The following AGTPBP1 variants were observed in gnomAD, a reference collection of about 807,000 sequenced individuals.
AGTPBP1 encodes cytosolic carboxypeptidase 1.
In AGTPBP1, 70 loss-of-function variants were observed where a neutral mutation model predicts 143.9. That is an observed-to-expected ratio of 0.49 (90% CI 0.40 to 0.59). AGTPBP1 has a LOEUF of 0.59. Among genes scored for constraint, AGTPBP1 ranks in the 20% least tolerant of loss-of-function variants. The pLI is 0.00. For synonymous variants in AGTPBP1, 463 were observed against 500.2 expected, an observed-to-expected ratio of 0.93 and a Z score of 0.99; for missense variants, 1,229 against 1,464.5, an observed-to-expected ratio of 0.84 and a Z score of 2.62.
chr9:85,646,296 A>G, intron 12 of AGTPBP1, 25 bp downstream of exon 12: 11 of 1,549,812 alleles, frequency 7.1e-6, no homozygotes, highest in Non-Finnish European at 9.8e-6. Flanking sequence ...TATAAAGCTA[A>G]CTAATTACAG....
At position 85,672,553 on chromosome 9, in the gene AGTPBP1, T is replaced by A; in HGVS notation, c.565A>T (p.Asn189Tyr). Residue 189 changes from asparagine to tyrosine, a missense_variant, in exon 7 of 26, where the codon AAC becomes TAC. Asn to Tyr is a moderately radical substitution (Grantham distance 143). Around this residue, in one of 2 missense-constraint regions of AGTPBP1, gnomAD observed 743 missense variants for 812.2 expected, o/e 0.91. Transcript: ENST00000357081. ...TAAAAGCCACCTAAATACTCACAGTTGGCAGAATATACTCGTAAAAGCTGA... is the reference window on the plus strand; with the variant it reads ...TAAAAGCCACCTAAATACTCACAGTAGGCAGAATATACTCGTAAAAGCTGA... Reference protein sequence around the residue: ...CLQLLRVYSANSVNSVSLGKN... With the variant: ...CLQLLRVYSAYSVNSVSLGKN... The A allele has an allele frequency of 6.2e-7, 1 of 1,608,444 alleles. No homozygotes were observed. Among genetic ancestry groups the A allele is most frequent in the Non-Finnish European group, 8.5e-7 (1 of 1,178,418 alleles).
chr9:85,676,528 G>A (rs1210281049), intron 6 of AGTPBP1, among the ~76,000 whole-genome samples: 2 of 151,790 alleles, frequency 1.3e-5, no homozygotes, highest in African/African-American at 4.8e-5. Flanking sequence ...TAAAACAGCT[G>A]TTATCAAGAA....
chr9:85,750,198 ATAG>A, the AGTPBP1 span, among the ~76,000 whole-genome samples: 1 of 152,314 alleles, frequency 6.6e-6, no homozygotes, highest in Admixed American at 6.5e-5. Context: ...ACAAACAGAA[ATAG>A]TAGAGAGTCA....
chr9:85,632,926 C>T lies in AGTPBP1; in HGVS notation c.1751G>A (p.Gly584Glu). The change falls in exon 14 of 26, where the codon GGA (glycine) becomes GAA (glutamate). Residue 584 changes from glycine to glutamate, a missense_variant. Coordinates refer to ENST00000357081, the MANE Select transcript of AGTPBP1 (RefSeq NM_001330701.2). ...AAGCTTCCCTAGCTGAACTGTTCTT[C>T]CCTCAAACAGAACATTTCCACAAGT... ...MATCGNVLFE[G>E]RTVQLGKLCC... The T allele has an allele frequency of 6.2e-7, 1 of 1,614,102 alleles. No individual in the cohort carries two copies. The highest frequency in any genetic ancestry group is 8.5e-7 in the Non-Finnish European group (1 of 1,180,032).
chr9:85,647,586 C>T (rs532432505), intron 11 of AGTPBP1, among the ~76,000 whole-genome samples: 1 of 152,296 alleles, frequency 6.6e-6, no homozygotes, highest in African/African-American at 2.4e-5. Flanking sequence ...AAGCCATAAA[C>T]TCCAAAATGC....
intron 24 of AGTPBP1, among the ~76,000 whole-genome samples, chr9:85,576,158 G>A (rs1349464500): frequency 6.6e-6 from 1 of 152,006 alleles, no homozygotes; most frequent in Non-Finnish European, 1.5e-5. Flanking sequence ...AAAGTTAAAT[G>A]TTATCACATA....
rs748922176 is a variant in AGTPBP1, at chr9:85,642,872, T to C, written c.1257A>G (p.Leu419=). Residue 419 remains leucine, a synonymous_variant, in exon 13 of 26, where the codon CTA becomes CTG. Transcript: ENST00000357081. The part of the protein sequence containing the change: ...QQEPGRTIED[L]KMYEHLFPEL... ...CAGGGAAAAGGTGTTCATACATTTT[T>C]AGATCTTCTATTGTTCGTCCCGGTT... The C allele has an allele frequency of 6.2e-7, 1 of 1,613,464 alleles. No individual in the cohort carries two copies. Among genetic ancestry groups the C allele is most frequent in the South Asian group, 1.1e-5 (1 of 90,852 alleles).
chr9:85,672,172 A>C (rs1834525513), intron 7 of AGTPBP1, among the ~76,000 whole-genome samples: 1 of 151,908 alleles, frequency 6.6e-6, no homozygotes, highest in Non-Finnish European at 1.5e-5. Flanking sequence ...CCAGGTTCAA[A>C]TGATTCTCCT....
intron 2 of AGTPBP1, among the ~76,000 whole-genome samples, chr9:85,711,445 T>C (rs1156613211): frequency 1.3e-5 from 2 of 150,448 alleles, no homozygotes; most frequent in African/African-American, 2.4e-5. Flanking sequence ...TTCTTTCTTT[T>C]TTTTTTTTTT....
At chr9:85,692,501 A>C (rs1835946241) in intron 3 of AGTPBP1, among the ~76,000 whole-genome samples, 188 bp downstream of exon 3, 1 of 151,818 alleles carries the variant, frequency 6.6e-6, no homozygotes, top group Non-Finnish European at 1.5e-5. Flanking sequence ...TCTCAAAACT[A>C]CTGACTTCAT....
At chr9:85,667,796 A>G (rs1834212724) in intron 8 of AGTPBP1, among the ~76,000 whole-genome samples, 1 of 151,824 alleles carries the variant, frequency 6.6e-6, no homozygotes, top group Non-Finnish European at 1.5e-5. Flanking sequence ...CAAATAAAAC[A>G]AAACCAAAAA....
chr9:85,551,923 C>A (rs936013429), intron 25 of AGTPBP1, among the ~76,000 whole-genome samples: 1 of 152,118 alleles, frequency 6.6e-6, no homozygotes, highest in East Asian at 1.9e-4. Flanking sequence ...TTAATTATTT[C>A]TTGTCATGAT....
At chr9:85,552,874 G>T (rs996999948) in intron 25 of AGTPBP1, among the ~76,000 whole-genome samples, 7 of 152,114 alleles carry the variant, frequency 4.6e-5, no homozygotes, top group African/African-American at 1.7e-4. Context: ...GAAAATTTTT[G>T]AAAATGATGC....
At chr9:85,584,440 G>A (rs1385983509) in intron 23 of AGTPBP1, among the ~76,000 whole-genome samples, 1 of 152,096 alleles carries the variant, frequency 6.6e-6, no homozygotes, top group African/African-American at 2.4e-5. Flanking sequence ...CCACAGAAAG[G>A]CTATTTGTGA....
the AGTPBP1 span, among the ~76,000 whole-genome samples, chr9:85,756,696 A>G: frequency 6.6e-6 from 1 of 152,168 alleles, no homozygotes. Flanking sequence ...ACAAAACAAC[A>G]CAAATGATCA....
chr9:85,635,147 T>C (rs62566947), intron 13 of AGTPBP1, among the ~76,000 whole-genome samples: 2,553 of 152,326 alleles, frequency 0.017, 26 homozygotes, highest in Middle Eastern at 0.054. Flanking sequence ...GTTAAAAAAT[T>C]TGTATACACA....
intron 11 of AGTPBP1, among the ~76,000 whole-genome samples, chr9:85,653,272 G>C (rs1387570384): frequency 1.3e-5 from 2 of 151,852 alleles, no homozygotes; most frequent in Admixed American, 6.6e-5. Flanking sequence ...AACAGAATGA[G>C]AGTATTTTCC....
rs1474787704 is a variant in AGTPBP1, at chr9:85,632,692, G to C, written c.1985C>G (p.Pro662Arg). The C allele has an allele frequency of 6.2e-7, 1 of 1,611,884 alleles. No homozygotes were observed. The highest frequency in any genetic ancestry group is 2.2e-5 in the East Asian group (1 of 44,884). The change falls in exon 14 of 26, where the codon CCT (proline) becomes CGT (arginine). Residue 662 changes from proline to arginine, a missense_variant. This residue lies in a region of AGTPBP1 where 743 missense variants were observed against 812.2 expected (regional missense o/e 0.91). Transcript: ENST00000357081. ...TACACCATAAGGCCTTTCTAAAATA[G>C]GCTCTTTGAATGGAGGCGGAATGTG... ...FGHIPPPFKE[P>R]ILERPYGVQR... is the part of the protein sequence containing the mutation.
intron 2 of AGTPBP1, among the ~76,000 whole-genome samples, chr9:85,711,777 T>A (rs1837392150): frequency 6.6e-6 from 1 of 152,134 alleles, no homozygotes; most frequent in South Asian, 2.1e-4. Context: ...GTATATATTT[T>A]AGGCATTGTG....
Sources: allele counts gnomAD v4.1 joint callset (sites outside exome capture counted in the v4.1 genomes callset), GRCh38; gene constraint gnomAD v4.1.1; regional missense constraint gnomAD v4.1.1; transcripts MANE v1.5; gene names NCBI Gene and HGNC (gene_info 2026-07-23, HGNC 2026-07-21).